Variants in SORCS3 observed in about 807,000 individuals in gnomAD.
SORCS3 encodes the protein VPS10 domain-containing receptor SorCS3.
SORCS3 carries 57 observed loss-of-function variants against 146.3 expected under a neutral mutation model. The observed-to-expected ratio is 0.39, with a 90% CI of 0.31 to 0.49. The LOEUF (loss-of-function observed/expected upper bound fraction) is 0.49, where lower values mean the gene tolerates loss of function less well. Ranked by LOEUF, SORCS3 falls within the 20% of genes least tolerant of loss-of-function variation. SORCS3 has a pLI of 0.92. For missense variants in SORCS3, 1,341 were observed against 1,575.5 expected (o/e 0.85, Z 2.52); for synonymous variants, 653 against 618.5 (o/e 1.06, Z -0.83).
At chr10:105,099,080 G>A (rs791113) in intron 6 of SORCS3, among the ~76,000 whole-genome samples, 24,137 of 152,064 alleles carry the variant, frequency 0.16, 2,113 homozygotes, top group Middle Eastern at 0.2. Flanking sequence ...TTCAAGCTCT[G>A]TATTAGGTAT....
At chr10:104,843,483 C>G (rs2018167573) in intron 2 of SORCS3, among the ~76,000 whole-genome samples, 1 of 152,190 alleles carries the variant, frequency 6.6e-6, no homozygotes, top group Non-Finnish European at 1.5e-5. Context: ...CCAGTTTATT[C>G]TTTTGATTTT....
At chr10:104,922,775 C>CG (rs2019100168) in intron 3 of SORCS3, among the ~76,000 whole-genome samples, 2 of 131,082 alleles carry the variant, frequency 1.5e-5, no homozygotes, top group Non-Finnish European at 3.2e-5. Context: ...GTGGCATATT[C>CG]AAGTGGTAAC....
chr10:104,841,687 A>T (rs929495926), intron 1 of SORCS3, among the ~76,000 whole-genome samples: 2 of 152,158 alleles, frequency 1.3e-5, no homozygotes, highest in African/African-American at 4.8e-5. Flanking sequence ...TCTTAAATGG[A>T]TACCTAGAAT....
intron 5 of SORCS3, among the ~76,000 whole-genome samples, chr10:105,044,065 G>A (rs1344315722): frequency 1.3e-5 from 2 of 151,950 alleles, no homozygotes; most frequent in African/African-American, 4.8e-5. Flanking sequence ...TTAATTATAT[G>A]CTTAATGAAA....
At chr10:104,935,457 G>C (rs1261101192) in intron 3 of SORCS3, among the ~76,000 whole-genome samples, 2 of 152,170 alleles carry the variant, frequency 1.3e-5, no homozygotes, top group Admixed American at 1.3e-4. Context: ...GGGGTCCAGG[G>C]TTGGCAATTT....
At chr10:105,168,867 G>T (rs2056336694) in intron 13 of SORCS3, among the ~76,000 whole-genome samples, 1 of 152,124 alleles carries the variant, frequency 6.6e-6, no homozygotes. Context: ...TTGAAAAGAT[G>T]CATGGAGCCA....
chr10:104,992,249 G>A (rs1175300260), intron 4 of SORCS3, among the ~76,000 whole-genome samples: 1 of 152,044 alleles, frequency 6.6e-6, no homozygotes, highest in Non-Finnish European at 1.5e-5. Context: ...CCTTGACCCT[G>A]GACAAGATTA....
At chr10:104,967,879 T>A (rs562415279) in intron 3 of SORCS3, among the ~76,000 whole-genome samples, 14 of 151,922 alleles carry the variant, frequency 9.2e-5, no homozygotes, top group African/African-American at 3.4e-4. Context: ...AGGCTGGTTC[T>A]GAACTCCTGA....
chr10:104,890,389 A>T (rs1320744852), intron 2 of SORCS3, among the ~76,000 whole-genome samples: 1 of 152,104 alleles, frequency 6.6e-6, no homozygotes, highest in East Asian at 1.9e-4. Flanking sequence ...TAAATAGAAA[A>T]AACTTATTTT....
chr10:105,101,048 T>C (rs1329462121), intron 6 of SORCS3, among the ~76,000 whole-genome samples: 1 of 152,196 alleles, frequency 6.6e-6, no homozygotes, highest in Admixed American at 6.5e-5. Context: ...CACTGGAGTA[T>C]GCTCAAGAGA....
intron 5 of SORCS3, among the ~76,000 whole-genome samples, chr10:105,085,485 G>C (rs2055654246): frequency 3.3e-5 from 5 of 152,184 alleles, no homozygotes; most frequent in Admixed American, 3.3e-4. Context: ...CATCCAAAGG[G>C]GAGCCTAATC....
intron 1 of SORCS3, among the ~76,000 whole-genome samples, chr10:104,685,959 C>T (rs193073482): frequency 6.6e-6 from 1 of 152,246 alleles, no homozygotes; most frequent in African/African-American, 2.4e-5. Context: ...TGGGATTGCC[C>T]GGCTCCCTCT....
At chr10:104,733,383 G>A (rs984822181) in intron 1 of SORCS3, among the ~76,000 whole-genome samples, 1 of 152,044 alleles carries the variant, frequency 6.6e-6, no homozygotes, top group South Asian at 2.1e-4. Context: ...ACAGGGTCTT[G>A]CTCTTGCCCA....
At chr10:104,940,238 A>ATATATATATAT (rs1435205868) in intron 3 of SORCS3, among the ~76,000 whole-genome samples, 61 of 31,472 alleles carry the variant, frequency 1.9e-3, no homozygotes, top group South Asian at 6.0e-3. Context: ...ATATATATAT[A>ATATATATATAT]TTTTTTTTTT....
At chr10:104,656,530 C>A (rs1014816513) in intron 1 of SORCS3, among the ~76,000 whole-genome samples, 1 of 151,832 alleles carries the variant, frequency 6.6e-6, no homozygotes, top group Admixed American at 6.6e-5. Flanking sequence ...TGGTGGAATG[C>A]ACTTGTGGTC....
At chr10:105,096,929 T>G (rs560636156) in intron 6 of SORCS3, among the ~76,000 whole-genome samples, 75 of 152,372 alleles carry the variant, frequency 4.9e-4, no homozygotes, top group African/African-American at 1.8e-3. Context: ...TTGGGCTAAA[T>G]AAAACATATA....
chr10:104,783,311 C>T (rs1232772441), intron 1 of SORCS3, among the ~76,000 whole-genome samples: 1 of 152,176 alleles, frequency 6.6e-6, no homozygotes, highest in Non-Finnish European at 1.5e-5. Flanking sequence ...ACCTGGCCAG[C>T]TCTCACAGGA....
intron 5 of SORCS3, among the ~76,000 whole-genome samples, chr10:105,058,550 T>C (rs1589612858): frequency 6.6e-6 from 1 of 152,146 alleles, no homozygotes; most frequent in African/African-American, 2.4e-5. Context: ...TTTGTTAGGA[T>C]TTTTCCAGAG....
chr10:104,747,096 G>A (rs1448223147), intron 1 of SORCS3, among the ~76,000 whole-genome samples: 3 of 152,210 alleles, frequency 2.0e-5, no homozygotes, highest in Non-Finnish European at 4.4e-5. Context: ...TCCTTCAAGT[G>A]GCTGAATGCC....
Sources: allele counts gnomAD v4.1 joint callset (sites outside exome capture counted in the v4.1 genomes callset), GRCh38; gene constraint gnomAD v4.1.1; transcripts MANE v1.5; gene names NCBI Gene and HGNC (gene_info 2026-07-23, HGNC 2026-07-21).